The following FNIP2 variants were observed in gnomAD, a reference collection of about 807,000 sequenced individuals.
FNIP2 encodes folliculin interacting protein 2.
A neutral mutation model predicts 108.7 loss-of-function variants in FNIP2; 32 were observed. The ratio of observed to expected loss-of-function variants is 0.29; its 90% CI spans 0.22 to 0.40. FNIP2 has a LOEUF of 0.40. Among genes scored for constraint, FNIP2 ranks in the 10% least tolerant of loss-of-function variants. FNIP2 has a pLI of 1.00. For missense variants in FNIP2, 1,202 were observed against 1,381.6 expected (o/e 0.87, Z 2.06); for synonymous variants, 480 against 496.7 (o/e 0.97, Z 0.45).
rs1184670897 is a variant in FNIP2 at position 158,895,831 on chromosome 4, C to G, written c.3232C>G (p.Arg1078Gly). The G allele has an allele frequency of 1.9e-6, 3 of 1,613,092 alleles. No homozygotes were observed. Among genetic ancestry groups the G allele is most frequent in the African/African-American group, 2.7e-5 (2 of 75,014 alleles). The change falls in exon 16 of 17, where the codon CGA becomes GGA. Residue 1078 changes from arginine to glycine, a missense_variant. By Grantham distance (125) the Arg-to-Gly change is moderately radical. This residue lies in a region of FNIP2 where 142 missense variants were observed against 183.8 expected (regional missense o/e 0.77). Transcript: ENST00000264433. ...ATCTGAATATCTCCGGGGACACACACGAGTCCATGTGAAAGAATTAGGTGT... is the reference window on the plus strand; with the variant it reads ...ATCTGAATATCTCCGGGGACACACAGGAGTCCATGTGAAAGAATTAGGTGT... ...MLSEYLRGHTRVHVKELGVVL... is the reference protein window; with the variant it reads ...MLSEYLRGHTGVHVKELGVVL...
At chr4:158,844,588 T>C (rs1274776605) in intron 7 of FNIP2, among the ~76,000 whole-genome samples, 1 of 152,226 alleles carries the variant, frequency 6.6e-6, no homozygotes, top group African/African-American at 2.4e-5. Flanking sequence ...ATCTTATTTA[T>C]TCCATGAGTG....
At chr4:158,823,815 C>T (rs1778014664) in intron 1 of FNIP2, among the ~76,000 whole-genome samples, 1 of 152,190 alleles carries the variant, frequency 6.6e-6, no homozygotes, top group Non-Finnish European at 1.5e-5. Flanking sequence ...GGCTGGCTCA[C>T]ACAGCCAGCT....
chr4:158,828,758 A>G (rs760145598), intron 2 of FNIP2, among the ~76,000 whole-genome samples: 4 of 152,248 alleles, frequency 2.6e-5, no homozygotes, highest in Non-Finnish European at 5.9e-5. Flanking sequence ...ATGACTCTAC[A>G]TAATACTAAA....
At chr4:158,872,891 A>G in intron 14 of FNIP2, 1 of 511,586 alleles carries the variant, frequency 2.0e-6, no homozygotes, top group Non-Finnish European at 2.5e-6. Context: ...GTTGCCAGAA[A>G]AAGAAGCAGA....
At chr4:158,854,874 A>G (rs1323275109) in intron 8 of FNIP2, among the ~76,000 whole-genome samples, 2 of 152,208 alleles carry the variant, frequency 1.3e-5, no homozygotes, top group African/African-American at 4.8e-5. Context: ...GGAGGGTCTT[A>G]TGATCTATTT....
intron 7 of FNIP2, among the ~76,000 whole-genome samples, chr4:158,840,342 T>C (rs1339789769): frequency 1.3e-5 from 2 of 152,144 alleles, no homozygotes; most frequent in African/African-American, 4.8e-5. Flanking sequence ...AATTTAGAAA[T>C]AGGAAACTGG....
intron 1 of FNIP2, among the ~76,000 whole-genome samples, chr4:158,780,998 G>A (rs1012915430): frequency 2.7e-5 from 4 of 147,018 alleles, no homozygotes; most frequent in Non-Finnish European, 4.4e-5. Context: ...TCGCGCCACC[G>A]CACTCCAGTC....
chr4:158,893,725 A>G (rs1388123155), intron 15 of FNIP2: 1 of 1,572,096 alleles, frequency 6.4e-7, no homozygotes, highest in South Asian at 1.2e-5. Context: ...TTTCTGTAAG[A>G]GAAGTAATGT....
intron 1 of FNIP2, among the ~76,000 whole-genome samples, chr4:158,824,584 CTTA>C (rs1400898896): frequency 1.3e-5 from 2 of 152,170 alleles, no homozygotes; most frequent in African/African-American, 4.8e-5. Flanking sequence ...GGCCAGAACT[CTTA>C]TTATGAATTC....
chr4:158,816,220 C>T (rs188375357), intron 1 of FNIP2, among the ~76,000 whole-genome samples: 6 of 152,236 alleles, frequency 3.9e-5, no homozygotes, highest in South Asian at 4.1e-4. Context: ...CCTCTGGAAA[C>T]TTCTTGGAAA....
At chr4:158,797,304 T>C (rs1180709138) in intron 1 of FNIP2, among the ~76,000 whole-genome samples, 1 of 152,248 alleles carries the variant, frequency 6.6e-6, no homozygotes, top group Non-Finnish European at 1.5e-5. Context: ...TCTCATTGAC[T>C]TTGTTATTCT....
At chr4:158,887,171 A>G (rs1305146033) in intron 14 of FNIP2, among the ~76,000 whole-genome samples, 5 of 152,146 alleles carry the variant, frequency 3.3e-5, no homozygotes, top group Non-Finnish European at 1.5e-5. Flanking sequence ...GGCTTTTCAT[A>G]GGTGTTTAAA....
Position 158,906,217 on chromosome 4 carries a change from TAC to T in FNIP2, c.*1675_*1676del, listed in dbSNP as rs1010959962. 1 of 152,220 alleles carries T rather than the reference TAC, an allele frequency of 6.6e-6. No homozygotes were observed. Among genetic ancestry groups the T allele is most frequent in the Non-Finnish European group, 1.5e-5 (1 of 68,038 alleles). The allele number at this position is 152,220 out of a possible 1,614,324, so 9.4% of individuals were successfully genotyped here. On this transcript the variant is annotated 3_prime_UTR_variant, in exon 17 of 17. Coordinates refer to ENST00000264433, the MANE Select transcript of FNIP2 (RefSeq NM_020840.3). ...ATGACATCATTGTTTGCTGTTGTGT[TAC>T]AGAGAGAGAAGGAACCTCACCTGTG...
chr4:158,818,687 CT>C, intron 1 of FNIP2, among the ~76,000 whole-genome samples: 1 of 152,224 alleles, frequency 6.6e-6, no homozygotes, highest in Non-Finnish European at 1.5e-5. Flanking sequence ...TCTGAAACAT[CT>C]AGCCCCAAGG....
intron 1 of FNIP2, among the ~76,000 whole-genome samples, chr4:158,802,371 G>A (rs1372118493): frequency 6.6e-6 from 1 of 151,942 alleles, no homozygotes; most frequent in Non-Finnish European, 1.5e-5. Flanking sequence ...ATCAGAGAAA[G>A]AGGGATTCTT....
chr4:158,856,092 G>A (rs1779968029), intron 8 of FNIP2, among the ~76,000 whole-genome samples: 1 of 152,268 alleles, frequency 6.6e-6, no homozygotes, highest in East Asian at 1.9e-4. Context: ...TTACTGGATG[G>A]GGAATGGGGC....
intron 1 of FNIP2, among the ~76,000 whole-genome samples, chr4:158,796,648 C>T (rs982794977): frequency 6.6e-6 from 1 of 152,172 alleles, no homozygotes; most frequent in Non-Finnish European, 1.5e-5. Flanking sequence ...ACAGTGAGTA[C>T]TTTTGGGCTT....
intron 14 of FNIP2, chr4:158,872,549 A>G: frequency 1.0e-6 from 1 of 985,424 alleles, no homozygotes; most frequent in Non-Finnish European, 1.2e-6. Flanking sequence ...TCCAAAGTGC[A>G]GCCATGCGTG....
intron 14 of FNIP2, chr4:158,872,197 T>C: frequency 1.0e-6 from 1 of 985,426 alleles, no homozygotes; most frequent in South Asian, 4.7e-5. Context: ...CTGGATTTAC[T>C]CACTGACCAC....
Sources: gnomAD v4.1 joint callset for allele counts (sites outside exome capture counted in the v4.1 genomes callset) on GRCh38, gnomAD v4.1.1 for gene constraint, gnomAD v4.1.1 regional missense constraint, MANE v1.5 for transcripts, NCBI Gene and HGNC (gene_info 2026-07-23, HGNC 2026-07-21) for gene names.